CIDEB: variants seen among roughly 807,000 people sequenced by gnomAD.
The protein encoded by CIDEB is lipid transferase CIDEB.
A neutral mutation model predicts 22.4 loss-of-function variants in CIDEB; 27 were observed. The ratio of observed to expected loss-of-function variants is 1.21; its 90% CI spans 0.89 to 1.66. CIDEB has a LOEUF of 1.66. Among genes scored for constraint, CIDEB ranks in the 40% most tolerant of loss-of-function variants. The pLI is 0.00. For synonymous variants in CIDEB, 103 were observed against 109.5 expected (o/e 0.94, Z 0.37); for missense variants, 289 against 268.7 (o/e 1.08, Z -0.53).
upstream of CIDEB, chr14:24,311,115 T>C: frequency 6.3e-7 from 1 of 1,576,318 alleles, no homozygotes; most frequent in South Asian, 1.1e-5. Context: ...GGCCGCCCTG[T>C]TGCTCGCCGT....
At chr14:24,310,958 C>T, upstream of CIDEB, 3 of 1,592,224 alleles carry the variant, frequency 1.9e-6, no homozygotes, top group Non-Finnish European at 2.5e-6. Context: ...AGGCGGTGTA[C>T]TACGTGTGCG....
At chr14:24,308,044 G>A (rs1407348462), upstream of CIDEB, 7 of 631,512 alleles carry the variant, frequency 1.1e-5, no homozygotes, top group Non-Finnish European at 2.0e-5. Flanking sequence ...GGGGAGGGAT[G>A]AGGGAGGGGC....
upstream of CIDEB, chr14:24,310,171 G>A (rs921753987): frequency 6.4e-5 from 19 of 299,020 alleles, no homozygotes; most frequent in Admixed American, 1.5e-4. Context: ...AATGTGATAG[G>A]CACAGGACAG....
At chr14:24,310,967 C>T (rs766430819), upstream of CIDEB, 6 of 1,591,494 alleles carry the variant, frequency 3.8e-6, no homozygotes, top group South Asian at 1.1e-5. Context: ...ACTACGTGTG[C>T]GCGCTCAGCA....
rs1049339375 is a variant in CIDEB, at chr14:24,306,045, A to G, written c.429T>C (p.Pro143=). 4 of 1,614,112 alleles carry G rather than the reference A, an allele frequency of 2.5e-6. No individual in the cohort carries two copies. The highest frequency in any genetic ancestry group is 3.4e-6 in the Non-Finnish European group (4 of 1,180,022). The change falls in exon 4 of 5, where the codon CCT becomes CCC. Residue 143 remains proline, a synonymous_variant. Coordinates refer to ENST00000554411, the MANE Select transcript of CIDEB (RefSeq NM_001393339.1). ...CATTCAGGCTGCCAAAGAGGTCTCG[A>G]GGGTTTTGCTTGTACACGTCAAAGG... is the stretch of plus-strand genomic sequence containing the variant. The part of the protein sequence containing the change: ...RFTFDVYKQN[P]RDLFGSLNVK...
intron 1 of CIDEB, 101 bp downstream of exon 1, chr14:24,307,717 G>A: frequency 7.4e-7 from 1 of 1,353,148 alleles, no homozygotes; most frequent in South Asian, 1.2e-5. Context: ...GGGAGCAGGA[G>A]AGGAAGGGGT....
At chr14:24,308,911 GA>G (rs1230745397), upstream of CIDEB, 13 of 152,236 alleles carry the variant, frequency 8.5e-5, 1 homozygote, top group Admixed American at 8.5e-4. Flanking sequence ...GCCCAAGCCA[GA>G]GCCTTGAAAA....
At chr14:24,307,623 T>G (rs1594629639) in intron 1 of CIDEB, 108 bp from the exon 2 acceptor site, 1 of 1,381,420 alleles carries the variant, frequency 7.2e-7, no homozygotes, top group Admixed American at 1.9e-5. Context: ...GAGATCTAGG[T>G]TTATCGATTA....
chr14:24,310,838 C>T (rs1041281938), upstream of CIDEB: 8 of 1,595,074 alleles, frequency 5.0e-6, no homozygotes, highest in Non-Finnish European at 6.8e-6. Flanking sequence ...CGCTGGCGGC[C>T]ACGCTTGTGC....
At chr14:24,308,231 A>G, upstream of CIDEB, 1 of 293,706 alleles carries the variant, frequency 3.4e-6, no homozygotes, top group Non-Finnish European at 6.6e-6. Flanking sequence ...TCTGGCTCTC[A>G]GGCTCTGAGA....
rs1333306340 is a variant in CIDEB, at chr14:24,306,783, T to G, written c.187-260A>C. 6 of 506,142 alleles carry G rather than the reference T, an allele frequency of 1.2e-5. No homozygotes were observed. In the Admixed American group the frequency reaches 1.6e-4, roughly 14 times the overall value. The allele number at this position is 506,142 out of a possible 1,614,324, so 31.4% of individuals were successfully genotyped here. A position where few individuals can be genotyped will look rare whatever the true frequency, so the allele number is the denominator to read the frequency against. On this transcript the variant is annotated intron_variant, in intron 2 of 4. Coordinates refer to ENST00000554411, the MANE Select transcript of CIDEB (RefSeq NM_001393339.1). ...TGCTCCCCTCCAAGTCACTTCTGGTTTGGAATTGGAAAGCAAGCCAGGTTC... is the reference window on the plus strand; with the variant it reads ...TGCTCCCCTCCAAGTCACTTCTGGTGTGGAATTGGAAAGCAAGCCAGGTTC...
chr14:24,311,241 C>T (rs552807473), upstream of CIDEB: 1 of 1,608,194 alleles, frequency 6.2e-7, no homozygotes, highest in East Asian at 2.2e-5. Flanking sequence ...TTTCGTGCTT[C>T]CTTTCGGGCT....
chr14:24,307,448 G>T lies in CIDEB; in HGVS notation c.109C>A (p.Pro37Thr), dbSNP rs144947876. 3.3e-5 allele frequency: 54 copies of T among 1,614,144 alleles called. No homozygotes were observed. In the African/African-American group the frequency reaches 5.5e-4, roughly 16 times the overall value. Residue 37 changes from proline (P) to threonine (T), a missense_variant, in exon 2 of 5, where the codon CCT becomes ACT. Physicochemically the swap from Pro to Thr is conservative, Grantham distance 38. Coordinates refer to ENST00000554411, the MANE Select transcript of CIDEB (RefSeq NM_001393339.1). ...CGCTTGTGATCACAGACACGGAAAG[G>T]TCGCTGGGGTGGTGGAGCTGAGGTC... ...VWTSAPPPQR[P>T]FRVCDHKRTI... is the part of the protein sequence containing the mutation.
upstream of CIDEB, chr14:24,310,549 C>A: frequency 8.8e-7 from 1 of 1,130,402 alleles, no homozygotes; most frequent in Non-Finnish European, 1.3e-6. Context: ...AAGAGGCAGG[C>A]TGCAGGGAAG....
At chr14:24,310,675 GC>G (rs2041663216), upstream of CIDEB, 6 of 1,614,046 alleles carry the variant, frequency 3.7e-6, no homozygotes, top group Non-Finnish European at 4.2e-6. Context: ...ATGTCGGTCT[GC>G]TACCGTCCCC....
At chr14:24,310,857 G>T (rs2041671694), upstream of CIDEB, 1 of 1,592,136 alleles carries the variant, frequency 6.3e-7, no homozygotes, top group Non-Finnish European at 8.5e-7. Flanking sequence ...GCTGCACCTG[G>T]CGCTGGCCGA....
intron 2 of CIDEB, chr14:24,306,957 C>T (rs2041530426): frequency 3.9e-6 from 1 of 256,894 alleles, no homozygotes; most frequent in African/African-American, 2.2e-5. Flanking sequence ...CTACATTATC[C>T]TCTTACTCCT....
At chr14:24,308,224 G>A, upstream of CIDEB, 1 of 299,334 alleles carries the variant, frequency 3.3e-6, no homozygotes, top group Non-Finnish European at 6.5e-6. Flanking sequence ...GACGGTTTCT[G>A]GCTCTCAGGC....
intron 4 of CIDEB, 56 bp downstream of exon 4, chr14:24,305,891 T>C: frequency 1.3e-6 from 2 of 1,587,336 alleles, no homozygotes; most frequent in Non-Finnish European, 1.7e-6. Flanking sequence ...AGAGGACGAA[T>C]TATGGGGACT....
Sources: gnomAD v4.1 joint callset for allele counts on GRCh38, gnomAD v4.1.1 for gene constraint, MANE v1.5 for transcripts, NCBI Gene and HGNC (gene_info 2026-07-23, HGNC 2026-07-21) for gene names.